Variants in PSIP1 observed in about 807,000 individuals in gnomAD.
PSIP1 encodes the protein PC4 and SFRS1-interacting protein.
A neutral mutation model predicts 74.7 loss-of-function variants in PSIP1; 19 were observed. The observed-to-expected ratio is 0.25, with a 90% CI of 0.18 to 0.37. The LOEUF (loss-of-function observed/expected upper bound fraction) is 0.37, where lower values mean the gene tolerates loss of function less well. Among genes scored for constraint, PSIP1 ranks in the 10% least tolerant of loss-of-function variants. PSIP1 has a pLI of 1.00. For missense variants in PSIP1, 601 were observed against 614.3 expected (o/e 0.98, Z 0.23); for synonymous variants, 222 against 195.3 (o/e 1.14, Z -1.14).
At chr9:15,497,980 C>T (rs1185888614) in intron 3 of PSIP1, among the ~76,000 whole-genome samples, 1 of 152,126 alleles carries the variant, frequency 6.6e-6, no homozygotes, top group Non-Finnish European at 1.5e-5. Context: ...TTACTTAACA[C>T]CTACACACTA....
In PSIP1 at chr9:15,491,396, T is replaced by G. The variant is rs150601871; in HGVS notation, c.150-1272A>C. ...TACAACCTCAGCTAAGAATGTGTTG[T>G]ATCAGGAGACTCAAGTCTTTCCACT... On this transcript the variant is annotated intron_variant, in intron 3 of 15. Coordinates refer to ENST00000380733, the MANE Select transcript of PSIP1 (RefSeq NM_033222.5). Among the ~76,000 whole-genome samples, 176 of 152,374 alleles carry G rather than the reference T, an allele frequency of 1.2e-3. 2 individuals carry two copies. The highest frequency in any genetic ancestry group is 4.0e-3 in the African/African-American group (168 of 41,594).
At chr9:15,488,895 C>CGTGT (rs2036690468) in intron 4 of PSIP1, among the ~76,000 whole-genome samples, 1 of 151,988 alleles carries the variant, frequency 6.6e-6, no homozygotes, top group South Asian at 2.1e-4. Flanking sequence ...GTGGCGGGCA[C>CGTGT]CTGTAGTCCC....
intron 3 of PSIP1, among the ~76,000 whole-genome samples, chr9:15,503,777 C>T (rs1035298648): frequency 2.0e-5 from 3 of 152,066 alleles, no homozygotes; most frequent in Non-Finnish European, 4.4e-5. Flanking sequence ...GACAGAGTCT[C>T]ACTCTGTTGC....
At chr9:15,492,806 G>A (rs201731335) in intron 3 of PSIP1, among the ~76,000 whole-genome samples, 1 of 152,222 alleles carries the variant, frequency 6.6e-6, no homozygotes, top group East Asian at 1.9e-4. Context: ...CCAACACCAT[G>A]TGGAAGCTGC....
chr9:15,501,698 G>T (rs1586856979), intron 3 of PSIP1, among the ~76,000 whole-genome samples: 1 of 151,904 alleles, frequency 6.6e-6, no homozygotes, highest in Admixed American at 6.6e-5. Flanking sequence ...GGTTTTCAGT[G>T]AAATGACATG....
chr9:15,510,039 A>T, intron 2 of PSIP1, 78 bp downstream of exon 2: 1 of 1,407,928 alleles, frequency 7.1e-7, no homozygotes, highest in South Asian at 1.3e-5. Context: ...CAGAAGAAAA[A>T]ATAAAGAGAC....
chr9:15,480,226 T>A (rs2036275805), intron 6 of PSIP1, among the ~76,000 whole-genome samples: 1 of 152,090 alleles, frequency 6.6e-6, no homozygotes. Flanking sequence ...GATTTAAGCA[T>A]TAGAATGGAA....
intron 3 of PSIP1, among the ~76,000 whole-genome samples, chr9:15,497,399 C>A (rs932016232): frequency 1.4e-5 from 2 of 145,892 alleles, no homozygotes; most frequent in African/African-American, 2.7e-5. Flanking sequence ...TCTTGGCTCA[C>A]TGCAACATCC....
intron 3 of PSIP1, among the ~76,000 whole-genome samples, chr9:15,497,868 G>A (rs2037157314): frequency 6.6e-6 from 1 of 152,034 alleles, no homozygotes; most frequent in South Asian, 2.1e-4. Flanking sequence ...CCACTTATTT[G>A]TATATATACA....
chr9:15,478,996 A>G (rs543389724), intron 7 of PSIP1, among the ~76,000 whole-genome samples: 1 of 152,218 alleles, frequency 6.6e-6, no homozygotes, highest in Middle Eastern at 3.4e-3. Flanking sequence ...TCCAAAATAT[A>G]TAAATAAAAA....
chr9:15,485,178 C>T (rs926892948), intron 6 of PSIP1, among the ~76,000 whole-genome samples: 3 of 152,140 alleles, frequency 2.0e-5, no homozygotes, highest in African/African-American at 7.2e-5. Context: ...TTTAGGACAA[C>T]ATCAGGTTTT....
chr9:15,496,683 T>A (rs189563594), intron 3 of PSIP1, among the ~76,000 whole-genome samples: 12 of 152,338 alleles, frequency 7.9e-5, no homozygotes, highest in Admixed American at 3.3e-4. Context: ...ATGGTTCAAC[T>A]GATGTCATAC....
rs745425070 is a variant in PSIP1, at chr9:15,486,070, T to TA, written c.394-3dup. On this transcript the variant is annotated splice_region_variant and splice_polypyrimidine_tract_variant and intron_variant, in intron 5 of 15. Coordinates refer to ENST00000380733, the MANE Select transcript of PSIP1 (RefSeq NM_033222.5). ...TATGTCAACTGCTTTAGTCACATCC[T>TA]AAAAAAGAAAAAAGAAAACTGAATA... 51 of 1,594,056 alleles carry TA rather than the reference T, an allele frequency of 3.2e-5. No homozygotes were observed. In the African/African-American group the frequency reaches 6.6e-4, roughly 21 times the overall value.
chr9:15,502,751 C>T (rs1048528822), intron 3 of PSIP1, among the ~76,000 whole-genome samples: 13 of 152,264 alleles, frequency 8.5e-5, no homozygotes, highest in Non-Finnish European at 1.2e-4. Context: ...GACTTGGCTT[C>T]AGTAAGAATT....
intron 6 of PSIP1, among the ~76,000 whole-genome samples, chr9:15,485,264 TTCCTC>T (rs1385263517): frequency 1.3e-5 from 2 of 152,106 alleles, no homozygotes; most frequent in African/African-American, 4.8e-5. Context: ...GAGTAGGAAT[TTCCTC>T]TATGTGAAAT....
At chr9:15,510,013 C>A (rs1410109856) in intron 2 of PSIP1, 104 bp downstream of exon 2, 2 of 1,169,456 alleles carry the variant, frequency 1.7e-6, no homozygotes, top group African/African-American at 1.6e-5. Context: ...GAGACTAAAG[C>A]GAGGGAGAGA....
At chr9:15,483,044 T>G (rs548238162) in intron 6 of PSIP1, among the ~76,000 whole-genome samples, 3 of 152,292 alleles carry the variant, frequency 2.0e-5, no homozygotes, top group South Asian at 4.1e-4. Context: ...CAGCCATAAT[T>G]TCACAGAGCA....
intron 7 of PSIP1, among the ~76,000 whole-genome samples, chr9:15,478,829 T>C (rs2036211435): frequency 6.6e-6 from 1 of 152,074 alleles, no homozygotes; most frequent in African/African-American, 2.4e-5. Context: ...TTAACAGTAA[T>C]GTCACAAAAT....
chr9:15,500,207 C>A (rs1262643321), intron 3 of PSIP1, among the ~76,000 whole-genome samples: 1 of 152,198 alleles, frequency 6.6e-6, no homozygotes, highest in African/African-American at 2.4e-5. Context: ...TGGCTCACGC[C>A]TGTAATCCCA....
Sources: allele counts gnomAD v4.1 joint callset (sites outside exome capture counted in the v4.1 genomes callset), GRCh38; gene constraint gnomAD v4.1.1; transcripts MANE v1.5; gene names NCBI Gene and HGNC (gene_info 2026-07-23, HGNC 2026-07-21).